The following ZNF782 variants were observed in gnomAD, a reference collection of about 807,000 sequenced individuals.
ZNF782 encodes zinc finger protein 782.
In ZNF782, 12 loss-of-function variants were observed where a neutral mutation model predicts 13.0. The ratio of observed to expected loss-of-function variants is 0.92; its 90% CI spans 0.59 to 1.50. ZNF782 has a LOEUF of 1.50. Ranked by LOEUF, ZNF782 falls within the 40% of genes most tolerant of loss-of-function variation. The pLI is 0.00. For synonymous variants in ZNF782, 284 were observed against 283.0 expected, an observed-to-expected ratio of 1.00 and a Z score of -0.04; for missense variants, 770 against 822.9, an observed-to-expected ratio of 0.94 and a Z score of 0.79.
At chr9:96,893,999 C>CAAAAAAAAAAAAAAAA in the ZNF782 span, 28 of 48,878 alleles carry the variant, frequency 5.7e-4, no homozygotes, top group African/African-American at 3.0e-3. Flanking sequence ...GACTCCGTCT[C>CAAAAAAAAAAAAAAAA]AAAAAAAAAA....
upstream of ZNF782, among the ~76,000 whole-genome samples, chr9:96,855,171 T>G (rs1243635844): frequency 6.6e-6 from 1 of 152,230 alleles, no homozygotes; most frequent in Non-Finnish European, 1.5e-5. Flanking sequence ...TGCCGAATTC[T>G]CTTATTGATT....
upstream of ZNF782, among the ~76,000 whole-genome samples, chr9:96,854,925 A>C (rs1851619577): frequency 6.6e-6 from 1 of 152,126 alleles, no homozygotes; most frequent in South Asian, 2.1e-4. Context: ...TTTTTTTAAA[A>C]AAAGGGATCA....
intron 5 of ZNF782, among the ~76,000 whole-genome samples, chr9:96,823,006 G>A (rs980444900): frequency 2.0e-5 from 3 of 152,090 alleles, no homozygotes; most frequent in African/African-American, 7.2e-5. Flanking sequence ...TTTAAAAAGG[G>A]TTCATTCTGT....
At chr9:96,851,918 A>G (rs1196161738) in intron 3 of ZNF782, 29 bp downstream of exon 3, 3 of 1,610,096 alleles carry the variant, frequency 1.9e-6, no homozygotes, top group African/African-American at 1.3e-5. Flanking sequence ...CCATTACAAT[A>G]CAAAGTGGGG....
the ZNF782 span, among the ~76,000 whole-genome samples, chr9:96,902,209 G>A: frequency 1.2e-4 from 18 of 151,802 alleles, no homozygotes; most frequent in African/African-American, 2.4e-4. Flanking sequence ...CGAGGCAGGC[G>A]GATCACTGGA....
chr9:96,836,024 G>A (rs1171698921), intron 4 of ZNF782, among the ~76,000 whole-genome samples: 1 of 152,188 alleles, frequency 6.6e-6, no homozygotes, highest in East Asian at 1.9e-4. Flanking sequence ...AGCAATGTAA[G>A]CTGGGCAGAG....
chr9:96,866,868 T>C (rs1237226267), intron 1 of ZNF782, among the ~76,000 whole-genome samples: 1 of 152,248 alleles, frequency 6.6e-6, no homozygotes, highest in East Asian at 1.9e-4. Flanking sequence ...CTGCTGGATT[T>C]CGGACTTGCC....
the ZNF782 span, among the ~76,000 whole-genome samples, chr9:96,883,954 G>T: frequency 6.6e-6 from 1 of 152,212 alleles, no homozygotes; most frequent in Non-Finnish European, 1.5e-5. Flanking sequence ...CTTAAGAAAA[G>T]TGTGTTCTCT....
At chr9:96,917,885 G>GGC in the ZNF782 span, among the ~76,000 whole-genome samples, 21 of 113,216 alleles carry the variant, frequency 1.9e-4, no homozygotes, top group Admixed American at 7.2e-4. Flanking sequence ...CACCACCCTT[G>GGC]GCGTGTGTGT....
chr9:96,887,735 G>A, the ZNF782 span: 2 of 152,126 alleles, frequency 1.3e-5, no homozygotes, highest in Admixed American at 1.3e-4. Context: ...TTATTGCAGC[G>A]CTATTCACAA....
chr9:96,849,112 T>C (rs991718370), intron 3 of ZNF782, among the ~76,000 whole-genome samples: 26 of 152,158 alleles, frequency 1.7e-4, no homozygotes, highest in African/African-American at 5.3e-4. Flanking sequence ...CCCAACCTTT[T>C]TGGCACCAGG....
At chr9:96,842,892 T>A (rs2406184) in intron 4 of ZNF782, among the ~76,000 whole-genome samples, 1 of 151,898 alleles carries the variant, frequency 6.6e-6, no homozygotes, top group Non-Finnish European at 1.5e-5. Context: ...ACAAAAGCCA[T>A]GAACAGACAT....
chr9:96,903,746 T>G, the ZNF782 span, among the ~76,000 whole-genome samples: 1 of 151,364 alleles, frequency 6.6e-6, no homozygotes, highest in African/African-American at 2.4e-5. Context: ...GTATTTTTAG[T>G]AGAGAGGGGG....
chr9:96,929,056 T>C, the ZNF782 span: 1 of 1,610,400 alleles, frequency 6.2e-7, no homozygotes, highest in Non-Finnish European at 8.5e-7. Context: ...CCTGTAGGGA[T>C]GGGGCATTAT....
intron 4 of ZNF782, among the ~76,000 whole-genome samples, chr9:96,832,061 C>G (rs1850821412): frequency 6.6e-6 from 1 of 152,012 alleles, no homozygotes; most frequent in African/African-American, 2.4e-5. Flanking sequence ...TCATTTTTCC[C>G]TGATCTTCTC....
the ZNF782 span, among the ~76,000 whole-genome samples, chr9:96,927,141 T>C: frequency 1.3e-3 from 201 of 152,272 alleles, 1 homozygote; most frequent in African/African-American, 4.5e-3. Context: ...ATAATTCCCA[T>C]GCTGAGAACC....
the ZNF782 span, chr9:96,931,704 T>C: frequency 6.2e-7 from 1 of 1,611,222 alleles, no homozygotes; most frequent in Non-Finnish European, 8.5e-7. Flanking sequence ...CATTCACCTC[T>C]TTCCTTTGTC....
At chr9:96,846,574 A>G (rs541789128) in intron 3 of ZNF782, among the ~76,000 whole-genome samples, 1 of 152,220 alleles carries the variant, frequency 6.6e-6, no homozygotes, top group South Asian at 2.1e-4. Flanking sequence ...GACTTCAAAG[A>G]AAATCAGTAA....
Position 96,870,650 on chromosome 9 carries a change from T to A in ZNF782, c.-457+4818A>T, listed in dbSNP as rs1851814533. Among the ~76,000 whole-genome samples the A allele has an allele frequency of 3.3e-5, 5 of 152,352 alleles. No homozygotes were observed. The South Asian group carries it at 1.0e-3, about 32-fold the overall frequency. On this transcript the variant is annotated intron_variant, in intron 1 of 5. Transcript: ENST00000498811. ...TGTGAGCTGATAGCAGTGAACTATG[T>A]AAGGGTTTAAAACAATGGTTTAAAT... is the stretch of plus-strand genomic sequence containing the variant.
Sources: allele counts gnomAD v4.1 joint callset (sites outside exome capture counted in the v4.1 genomes callset), GRCh38; gene constraint gnomAD v4.1.1; transcripts MANE v1.5; gene names NCBI Gene and HGNC (gene_info 2026-07-23, HGNC 2026-07-21).